The following USP34 variants were observed in gnomAD, a reference collection of about 807,000 sequenced individuals.
USP34 encodes the protein ubiquitin specific peptidase 34.
USP34 carries 70 observed loss-of-function variants against 460.3 expected under a neutral mutation model. The observed-to-expected ratio is 0.15, with a 90% CI of 0.13 to 0.19. The LOEUF (loss-of-function observed/expected upper bound fraction) is 0.19. USP34 is among the 10% of genes least tolerant of loss of function. The pLI, the probability that USP34 is intolerant of heterozygous loss-of-function variation, is 1.00. For synonymous variants in USP34, 1,647 were observed against 1,405.3 expected, an observed-to-expected ratio of 1.17 and a Z score of -3.85; for missense variants, 3,985 against 4,236.2, an observed-to-expected ratio of 0.94 and a Z score of 1.65.
chr2:61,214,444 T>C lies in USP34; in HGVS notation c.8298A>G (p.Lys2766=), dbSNP rs1260584051. Reference sequence around the variant, plus strand: ...ATGTGGAAAACATCAGCTTCTCAGTTTTGGAAATTAAACAGTAAGTCATAA... The same window carrying C: ...ATGTGGAAAACATCAGCTTCTCAGTCTTGGAAATTAAACAGTAAGTCATAA... ...FSFMTYCLIS[K]TEKLMFSTYF... The change falls in exon 68 of 80, where the codon AAA becomes AAG. Residue 2766 remains lysine (K), a synonymous_variant. Coordinates refer to ENST00000398571, the MANE Select transcript of USP34 (RefSeq NM_014709.4). 6.2e-7 allele frequency: 1 copy of C among 1,614,178 alleles called. No individual in the cohort carries two copies. Among genetic ancestry groups the C allele is most frequent in the Non-Finnish European group, 8.5e-7 (1 of 1,180,030 alleles).
intron 62 of USP34, among the ~76,000 whole-genome samples, chr2:61,223,940 T>C (rs934083260): frequency 1.3e-5 from 2 of 152,244 alleles, no homozygotes; most frequent in African/African-American, 4.8e-5. Context: ...TTGTTTCATT[T>C]GAACCCCCAT....
intron 1 of USP34, among the ~76,000 whole-genome samples, chr2:61,430,267 G>C (rs1352361462): frequency 6.6e-6 from 1 of 151,366 alleles, no homozygotes; most frequent in Admixed American, 6.6e-5. Flanking sequence ...AGCCAGGCGT[G>C]CTGGCACATG....
At chr2:61,350,786 G>A (rs1337469887) in intron 10 of USP34, 93 bp from the exon 11 acceptor site, 15 of 1,325,640 alleles carry the variant, frequency 1.1e-5, no homozygotes, top group Non-Finnish European at 1.4e-5. Flanking sequence ...CAAAAAGTTG[G>A]CCAGTACACT....
intron 3 of USP34, among the ~76,000 whole-genome samples, chr2:61,402,919 T>G (rs1693763633): frequency 6.6e-6 from 1 of 152,276 alleles, no homozygotes; most frequent in African/African-American, 2.4e-5. Flanking sequence ...CTAAGACCAT[T>G]TGAAACAGTT....
At chr2:61,336,135 G>GTC (rs1486104582) in intron 18 of USP34, among the ~76,000 whole-genome samples, 38 of 147,536 alleles carry the variant, frequency 2.6e-4, no homozygotes, top group East Asian at 1.0e-3. Context: ...GTGTGTGTGT[G>GTC]TGTCCGCACA....
At chr2:61,434,007 T>C (rs1258036122) in intron 1 of USP34, among the ~76,000 whole-genome samples, 1 of 152,042 alleles carries the variant, frequency 6.6e-6, no homozygotes, top group Non-Finnish European at 1.5e-5. Context: ...AAAGGAACAG[T>C]CTGACAGTCC....
chr2:61,389,188 G>C (rs1316397443), intron 5 of USP34, among the ~76,000 whole-genome samples: 12 of 152,148 alleles, frequency 7.9e-5, no homozygotes, highest in Admixed American at 2.6e-4. Context: ...AAGGAGAAGA[G>C]ATGGAATAGT....
intron 62 of USP34, among the ~76,000 whole-genome samples, chr2:61,225,687 T>C (rs1687705966): frequency 6.6e-6 from 1 of 152,224 alleles, no homozygotes. Context: ...TTATTACTAC[T>C]AGGGCAAATA....
chr2:61,259,891 T>A, intron 43 of USP34, 115 bp from the exon 44 acceptor site: 1 of 884,162 alleles, frequency 1.1e-6, no homozygotes, highest in Non-Finnish European at 1.7e-6. Context: ...CTTTTGGCTA[T>A]ATAAAAGAAA....
At chr2:61,407,785 A>T (rs1250691106) in intron 2 of USP34, among the ~76,000 whole-genome samples, 2 of 152,190 alleles carry the variant, frequency 1.3e-5, no homozygotes, top group Non-Finnish European at 2.9e-5. Flanking sequence ...CCTAAAGAGG[A>T]GACCACATGA....
chr2:61,355,317 C>G (rs1330845107), intron 10 of USP34, among the ~76,000 whole-genome samples: 1 of 152,110 alleles, frequency 6.6e-6, no homozygotes, highest in Non-Finnish European at 1.5e-5. Context: ...GCAATTATTA[C>G]AGATAATACT....
intron 23 of USP34, among the ~76,000 whole-genome samples, chr2:61,317,420 C>A (rs1000044827): frequency 1.3e-5 from 2 of 151,880 alleles, no homozygotes; most frequent in African/African-American, 4.8e-5. Context: ...CCAGCTACTT[C>A]GGGGGCTGAG....
At chr2:61,273,721 C>G (rs1002355284) in intron 41 of USP34, among the ~76,000 whole-genome samples, 10 of 151,808 alleles carry the variant, frequency 6.6e-5, no homozygotes, top group Admixed American at 5.2e-4. Flanking sequence ...TCTCAAAAAA[C>G]AAACAAAGGG....
chr2:61,356,511 ACT>A (rs1245426533), intron 10 of USP34, among the ~76,000 whole-genome samples: 6 of 151,902 alleles, frequency 3.9e-5, no homozygotes. Context: ...ACACACACAC[ACT>A]GCAATACTAT....
intron 8 of USP34, among the ~76,000 whole-genome samples, chr2:61,378,129 C>T (rs1692850080): frequency 6.6e-6 from 1 of 152,076 alleles, no homozygotes; most frequent in Non-Finnish European, 1.5e-5. Flanking sequence ...GCCATGGTCC[C>T]ACCACTGTAC....
At chr2:61,369,803 A>G (rs904896170) in intron 10 of USP34, among the ~76,000 whole-genome samples, 4 of 151,586 alleles carry the variant, frequency 2.6e-5, no homozygotes, top group Non-Finnish European at 5.9e-5. Flanking sequence ...TTGGTATGCT[A>G]CATTTGTGAA....
chr2:61,347,624 T>C (rs1377075657), intron 15 of USP34, among the ~76,000 whole-genome samples: 5 of 152,204 alleles, frequency 3.3e-5, no homozygotes, highest in Non-Finnish European at 5.9e-5. Context: ...TCCACCTGCC[T>C]CGGCCTCCCA....
intron 22 of USP34, 72 bp downstream of exon 22, chr2:61,319,101 C>T: frequency 7.2e-7 from 1 of 1,395,390 alleles, no homozygotes; most frequent in Admixed American, 2.9e-5. Context: ...AAAGGCATTA[C>T]AGAATTCGTA....
intron 42 of USP34, 132 bp downstream of exon 42, chr2:61,265,849 TTAA>T (rs1450860469): frequency 1.1e-6 from 1 of 906,406 alleles, no homozygotes; most frequent in Non-Finnish European, 1.5e-6. Flanking sequence ...CTTTTTAACT[TTAA>T]TAACACCCTA....
Sources: allele counts gnomAD v4.1 joint callset (sites outside exome capture counted in the v4.1 genomes callset), GRCh38; gene constraint gnomAD v4.1.1; transcripts MANE v1.5; gene names NCBI Gene and HGNC (gene_info 2026-07-23, HGNC 2026-07-21).